PGAP1: variants seen among roughly 807,000 people sequenced by gnomAD.
PGAP1 encodes post-GPI attachment to proteins inositol deacylase 1.
PGAP1 carries 76 observed loss-of-function variants against 127.0 expected under a neutral mutation model. That is an observed-to-expected ratio of 0.60 (90% CI 0.50 to 0.72). PGAP1 has a LOEUF of 0.72. Among genes scored for constraint, PGAP1 ranks in the 30% least tolerant of loss-of-function variants. The probability of loss-of-function intolerance (pLI) is 0.00; values close to 1 mark genes in which losing one functional copy is unlikely to be tolerated. For synonymous variants in PGAP1, 362 were observed against 366.5 expected, an observed-to-expected ratio of 0.99 and a Z score of 0.14; for missense variants, 982 against 1,071.3, an observed-to-expected ratio of 0.92 and a Z score of 1.16.
At chr2:196,891,609 A>G (rs1702102522) in intron 9 of PGAP1, among the ~76,000 whole-genome samples, 1 of 151,702 alleles carries the variant, frequency 6.6e-6, no homozygotes, top group Non-Finnish European at 1.5e-5. Context: ...GATAATGAGT[A>G]AATATAAGGT....
At chr2:196,898,230 A>G in intron 6 of PGAP1, 87 bp downstream of exon 6, 1 of 980,798 alleles carries the variant, frequency 1.0e-6, no homozygotes, top group African/African-American at 1.7e-5. Context: ...AAAAAAAAAA[A>G]AGTTAACAAG....
At position 196,844,761 on chromosome 2, in the gene PGAP1, A is replaced by AAAAC. The variant is rs200377137; in HGVS notation, c.2287-191_2287-188dup. Among the ~76,000 whole-genome samples the AAAAC allele has an allele frequency of 1.1e-3, 163 of 152,278 alleles. No individual in the cohort carries two copies. The East Asian group carries it at 0.019, about 18-fold the overall frequency. On this transcript the variant is annotated intron_variant, in intron 23 of 26. Coordinates refer to ENST00000354764, the MANE Select transcript of PGAP1 (RefSeq NM_024989.4). The stretch of plus-strand genomic sequence containing the variant: ...ACACATGCTGGCTATCATGGATTAA[A>AAAAC]AAACAAACAAAAGCAACAAACAAAT...
intron 20 of PGAP1, among the ~76,000 whole-genome samples, chr2:196,860,218 A>G (rs796227097): frequency 6.6e-6 from 1 of 152,256 alleles, no homozygotes; most frequent in African/African-American, 2.4e-5. Flanking sequence ...TCTATACACT[A>G]ATAATGAAAA....
chr2:196,884,055 T>C (rs1701816398), intron 12 of PGAP1, among the ~76,000 whole-genome samples: 1 of 152,200 alleles, frequency 6.6e-6, no homozygotes, highest in South Asian at 2.1e-4. Flanking sequence ...TGATTAATCT[T>C]TGGAGATTTA....
At chr2:196,861,874 T>C (rs1158390707) in intron 20 of PGAP1, among the ~76,000 whole-genome samples, 5 of 151,678 alleles carry the variant, frequency 3.3e-5, no homozygotes, top group African/African-American at 1.2e-4. Flanking sequence ...ACCCTTGTGA[T>C]TTCCTAGGCC....
At position 196,926,665 on chromosome 2, in the gene PGAP1, T is replaced by G. The variant is rs1168706401; in HGVS notation, c.-49A>C. 5.0e-6 allele frequency: 8 copies of G among 1,610,716 alleles called. No individual in the cohort carries two copies. Among genetic ancestry groups the G allele is most frequent in the Admixed American group, 1.7e-5 (1 of 59,868 alleles). On this transcript the variant is annotated 5_prime_UTR_variant, in exon 1 of 27. Transcript: ENST00000354764. ...CGCCGCCGCCCCCTCTACCTCCTTC[T>G]CCGCCGCGGGGCCCCAAGCCCGGAC...
intron 10 of PGAP1, among the ~76,000 whole-genome samples, chr2:196,887,371 G>A (rs1320390974): frequency 6.6e-6 from 1 of 152,018 alleles, no homozygotes; most frequent in African/African-American, 2.4e-5. Context: ...GCGACAGAGC[G>A]AGACTCCATC....
rs187642896 is a variant in PGAP1 at position 196,862,301 on chromosome 2, C to T, written c.1861+2686G>A. 4.1e-3 allele frequency among the ~76,000 whole-genome samples: 621 copies of T among 152,142 alleles called. 4 individuals carry two copies. Among genetic ancestry groups the T allele is most frequent in the African/African-American group, 0.014 (576 of 41,502 alleles). ...CCCAGTCTCTCATAGTGCTCCCAGGCTTATTAGGAAGAGGAAATTCCCGCC... is the reference window on the plus strand; with the variant it reads ...CCCAGTCTCTCATAGTGCTCCCAGGTTTATTAGGAAGAGGAAATTCCCGCC... On this transcript the variant is annotated intron_variant, in intron 20 of 26. Transcript: ENST00000354764.
chr2:196,841,587 G>A (rs796868410), intron 26 of PGAP1, among the ~76,000 whole-genome samples: 58 of 152,062 alleles, frequency 3.8e-4, no homozygotes, highest in African/African-American at 1.2e-3. Flanking sequence ...GCGCAATCTC[G>A]GCTCACTGCA....
At chr2:196,911,606 TAAAAAAAAAAAA>T (rs56107551) in intron 4 of PGAP1, among the ~76,000 whole-genome samples, 89 of 77,302 alleles carry the variant, frequency 1.2e-3, no homozygotes, top group African/African-American at 3.8e-3. Flanking sequence ...TAGAGTATAA[TAAAAAAAAAAAA>T]AAAAAAAAAA....
At chr2:196,913,767 G>C (rs1400211144) in intron 3 of PGAP1, among the ~76,000 whole-genome samples, 2 of 152,168 alleles carry the variant, frequency 1.3e-5, no homozygotes, top group Admixed American at 1.3e-4. Flanking sequence ...GCTGTCCTTG[G>C]CATGGGCTGG....
At chr2:196,914,695 CT>C (rs1702943382) in intron 3 of PGAP1, among the ~76,000 whole-genome samples, 1 of 151,832 alleles carries the variant, frequency 6.6e-6, no homozygotes, top group Non-Finnish European at 1.5e-5. Flanking sequence ...CTATTGCTAT[CT>C]CCAATTTCTC....
At chr2:196,875,234 A>C (rs1274544963) in intron 14 of PGAP1, among the ~76,000 whole-genome samples, 1 of 152,162 alleles carries the variant, frequency 6.6e-6, no homozygotes, top group Non-Finnish European at 1.5e-5. Context: ...AAACAAATAA[A>C]GCCTGTAGTT....
At chr2:196,887,567 T>A (rs561410838) in intron 10 of PGAP1, among the ~76,000 whole-genome samples, 3 of 152,226 alleles carry the variant, frequency 2.0e-5, no homozygotes, top group African/African-American at 7.2e-5. Flanking sequence ...AATTTGTCCT[T>A]TGAATCACAG....
chr2:196,885,515 T>C (rs759673434), intron 11 of PGAP1, 40 bp from the exon 12 acceptor site: 3 of 1,332,998 alleles, frequency 2.3e-6, no homozygotes, highest in African/African-American at 1.5e-5. Context: ...AGGACAAATA[T>C]ATGGAAGTAT....
chr2:196,841,663 G>A (rs938655361), intron 26 of PGAP1, among the ~76,000 whole-genome samples: 27 of 152,116 alleles, frequency 1.8e-4, no homozygotes, highest in East Asian at 3.9e-4. Flanking sequence ...GACTACAGGC[G>A]CCCGCCACCA....
intron 26 of PGAP1, 62 bp downstream of exon 26, chr2:196,842,659 G>A: frequency 2.7e-6 from 2 of 728,058 alleles, no homozygotes; most frequent in Non-Finnish European, 4.4e-6. Flanking sequence ...GTATATTTTA[G>A]ATATAAAGGG....
At chr2:196,873,084 A>G in intron 16 of PGAP1, 58 bp from the exon 17 acceptor site, 1 of 585,124 alleles carries the variant, frequency 1.7e-6, no homozygotes, top group South Asian at 2.4e-5. Context: ...ATGTTACATA[A>G]ACTACTATAA....
intron 20 of PGAP1, among the ~76,000 whole-genome samples, chr2:196,861,217 A>G (rs1007399969): frequency 6.6e-6 from 1 of 152,198 alleles, no homozygotes; most frequent in African/African-American, 2.4e-5. Flanking sequence ...ACCCGAAACG[A>G]CGAAACTACC....
Sources: gnomAD v4.1 joint callset for allele counts (sites outside exome capture counted in the v4.1 genomes callset) on GRCh38, gnomAD v4.1.1 for gene constraint, MANE v1.5 for transcripts, NCBI Gene and HGNC (gene_info 2026-07-23, HGNC 2026-07-21) for gene names.